DNAH6: variants seen among roughly 807,000 people sequenced by gnomAD.
DNAH6 encodes the protein dynein axonemal heavy chain 6.
DNAH6 carries 340 observed loss-of-function variants against 491.4 expected under a neutral mutation model. The observed-to-expected ratio is 0.69, with a 90% CI of 0.63 to 0.76. DNAH6 has a LOEUF of 0.76. DNAH6 is among the 30% of genes least tolerant of loss of function. DNAH6 has a pLI of 0.00. For synonymous variants in DNAH6, 1,603 were observed against 1,686.1 expected (o/e 0.95, Z 1.21); for missense variants, 4,443 against 4,972.2 (o/e 0.89, Z 3.20).
chr2:84,694,541 T>G, intron 46 of DNAH6, 61 bp downstream of exon 46: 1 of 1,262,398 alleles, frequency 7.9e-7, no homozygotes, highest in Non-Finnish European at 1.1e-6. Context: ...CAATCGGGTG[T>G]GTGCTTTGAA....
intron 61 of DNAH6, among the ~76,000 whole-genome samples, chr2:84,728,945 A>C (rs1303289031): frequency 1.3e-5 from 2 of 152,162 alleles, no homozygotes; most frequent in African/African-American, 2.4e-5. Flanking sequence ...TGGCCCCTGC[A>C]GAAGTGACAT....
intron 68 of DNAH6, among the ~76,000 whole-genome samples, chr2:84,788,193 A>G (rs1057033900): frequency 1.3e-5 from 2 of 152,178 alleles, no homozygotes; most frequent in African/African-American, 2.4e-5. Context: ...AGCCATCCCA[A>G]TGGGGCCGAA....
chr2:84,803,075 A>G (rs1679079051), intron 70 of DNAH6, among the ~76,000 whole-genome samples: 2 of 152,246 alleles, frequency 1.3e-5, no homozygotes, highest in African/African-American at 4.8e-5. Flanking sequence ...TTAAGGGGAA[A>G]GTGTATAAAG....
intron 37 of DNAH6, among the ~76,000 whole-genome samples, chr2:84,664,891 A>G (rs1290166084): frequency 1.3e-5 from 2 of 152,240 alleles, no homozygotes; most frequent in African/African-American, 4.8e-5. Context: ...AAATTGTAAC[A>G]AACTGTCTCT....
intron 37 of DNAH6, among the ~76,000 whole-genome samples, chr2:84,667,175 G>A (rs1451763834): frequency 2.0e-5 from 3 of 152,044 alleles, no homozygotes; most frequent in Non-Finnish European, 4.4e-5. Flanking sequence ...TACCATTCAG[G>A]ACATAGGCAT....
At position 84,813,131 on chromosome 2, in the gene DNAH6, G is replaced by A. The variant is rs933911147; in HGVS notation, c.11998+1G>A. 1.9e-6 allele frequency: 3 copies of A among 1,550,430 alleles called. No homozygotes were observed. The Admixed American group carries it at 5.9e-5, about 30-fold the overall frequency. Reference sequence around the variant, plus strand: ...TTCTTTCCTCAAGGATTTCTAACAGGTACCAGCGCTTTCTAGAAAAACCCC... The same window carrying A: ...TTCTTTCCTCAAGGATTTCTAACAGATACCAGCGCTTTCTAGAAAAACCCC... On this transcript the variant is annotated splice_donor_variant, in intron 74 of 76. Transcript: ENST00000389394. LOFTEE classifies it high-confidence loss of function.
the DNAH6 span, among the ~76,000 whole-genome samples, chr2:84,489,374 T>C: frequency 4.6e-5 from 7 of 152,106 alleles, no homozygotes; most frequent in Non-Finnish European, 1.0e-4. Flanking sequence ...ATATATGATA[T>C]ACTTTTGAAG....
chr2:84,588,537 G>A (rs1683785192), intron 15 of DNAH6, among the ~76,000 whole-genome samples: 2 of 152,036 alleles, frequency 1.3e-5, no homozygotes, highest in African/African-American at 4.8e-5. Flanking sequence ...CCTTATCTAA[G>A]GTCATGTTGG....
intron 70 of DNAH6, 140 bp downstream of exon 70, chr2:84,797,798 A>G: frequency 2.5e-6 from 2 of 805,190 alleles, no homozygotes; most frequent in Non-Finnish European, 3.8e-6. Context: ...TGACTTCAAC[A>G]TTTGGTTCCA....
intron 42 of DNAH6, 64 bp from the exon 43 acceptor site, chr2:84,685,262 C>T: frequency 8.2e-7 from 1 of 1,212,344 alleles, no homozygotes; most frequent in Non-Finnish European, 1.1e-6. Context: ...CCTAATTAAA[C>T]TATTACTGGA....
chr2:84,546,468 G>A (rs1678801715), intron 5 of DNAH6, among the ~76,000 whole-genome samples: 1 of 152,098 alleles, frequency 6.6e-6, no homozygotes, highest in Admixed American at 6.6e-5. Flanking sequence ...TTAATCTACA[G>A]TTGGTGGAAT....
At chr2:84,660,465 C>A (rs1332143401) in intron 37 of DNAH6, among the ~76,000 whole-genome samples, 1 of 152,020 alleles carries the variant, frequency 6.6e-6, no homozygotes, top group African/African-American at 2.4e-5. Context: ...ACCAACTAAC[C>A]TATGCAGAAG....
intron 62 of DNAH6, among the ~76,000 whole-genome samples, chr2:84,734,358 T>C (rs1699368685): frequency 6.6e-6 from 1 of 152,058 alleles, no homozygotes; most frequent in South Asian, 2.1e-4. Flanking sequence ...GCCAGGATGG[T>C]CTCGATCTCC....
intron 10 of DNAH6, among the ~76,000 whole-genome samples, chr2:84,557,276 A>G (rs1331841408): frequency 6.6e-6 from 1 of 152,210 alleles, no homozygotes; most frequent in Non-Finnish European, 1.5e-5. Flanking sequence ...TTGATTTGTC[A>G]TATACTCAGA....
At chr2:84,494,327 C>T in the DNAH6 span, among the ~76,000 whole-genome samples, 1 of 152,196 alleles carries the variant, frequency 6.6e-6, no homozygotes. Flanking sequence ...TAGCATTTGA[C>T]GAAGACCATG....
At chr2:84,600,669 G>GTAAAGTACCA (rs1159798524) in intron 18 of DNAH6, among the ~76,000 whole-genome samples, 1 of 152,016 alleles carries the variant, frequency 6.6e-6, no homozygotes. Context: ...GACAAGACAG[G>GTAAAGTACCA]TAAAGTACCA....
intron 4 of DNAH6, among the ~76,000 whole-genome samples, chr2:84,543,545 T>G (rs1436265860): frequency 1.3e-5 from 2 of 152,216 alleles, no homozygotes; most frequent in African/African-American, 4.8e-5. Flanking sequence ...GAATATCGTT[T>G]TGCTGTAGGA....
intron 37 of DNAH6, among the ~76,000 whole-genome samples, chr2:84,668,652 C>G (rs1692411490): frequency 6.6e-6 from 1 of 152,114 alleles, no homozygotes. Flanking sequence ...CAGTCTGAAT[C>G]CTGAACCCCT....
intron 46 of DNAH6, among the ~76,000 whole-genome samples, 163 bp from the exon 47 acceptor site, chr2:84,697,412 T>A (rs1427670867): frequency 1.3e-5 from 2 of 152,076 alleles, no homozygotes; most frequent in African/African-American, 2.4e-5. Context: ...AAATGAAAAA[T>A]CAGTGTACTT....
Sources: gnomAD v4.1 joint callset for allele counts (sites outside exome capture counted in the v4.1 genomes callset) on GRCh38, gnomAD v4.1.1 for gene constraint, MANE v1.5 for transcripts, NCBI Gene and HGNC (gene_info 2026-07-23, HGNC 2026-07-21) for gene names.